CACNA2D1: variants seen among roughly 807,000 people sequenced by gnomAD.
CACNA2D1 encodes calcium voltage-gated channel auxiliary subunit alpha2delta 1, also known as voltage-dependent calcium channel subunit alpha-2/delta-1.
Under a neutral mutation model 171.5 loss-of-function variants are expected in CACNA2D1, and 53 were observed. The observed-to-expected ratio is 0.31, with a 90% confidence interval of 0.25 to 0.39. The LOEUF is 0.39. CACNA2D1 is among the 10% of genes least tolerant of loss of function. CACNA2D1 has a pLI of 1.00. For synonymous variants in CACNA2D1, 442 were observed against 443.1 expected, an observed-to-expected ratio of 1.00 and a Z score of 0.03; for missense variants, 903 against 1,299.8, an observed-to-expected ratio of 0.69 and a Z score of 4.69.
At chr7:82,403,288 T>C (rs1826644948) in intron 1 of CACNA2D1, among the ~76,000 whole-genome samples, 2 of 152,166 alleles carry the variant, frequency 1.3e-5, no homozygotes, top group South Asian at 4.1e-4. Context: ...AGGTAATACA[T>C]TTGAGAATTG....
intron 3 of CACNA2D1, among the ~76,000 whole-genome samples, chr7:82,311,971 G>A (rs28884503): frequency 0.083 from 12,684 of 152,096 alleles, 1,585 homozygotes; most frequent in African/African-American, 0.27. Flanking sequence ...AGGACCTTGA[G>A]AAGAAAGAAA....
chr7:82,237,736 A>G (rs1259191660), intron 3 of CACNA2D1, among the ~76,000 whole-genome samples: 1 of 151,986 alleles, frequency 6.6e-6, no homozygotes, highest in Non-Finnish European at 1.5e-5. Context: ...GTGTATTCAA[A>G]TATATATTCA....
chr7:82,135,415 A>G (rs561695867), intron 5 of CACNA2D1, among the ~76,000 whole-genome samples: 1 of 152,222 alleles, frequency 6.6e-6, no homozygotes, highest in Non-Finnish European at 1.5e-5. Context: ...CATCATTAAA[A>G]TAATATATAC....
At chr7:81,950,771 GAAT>G (rs1173132146) in intron 38 of CACNA2D1, among the ~76,000 whole-genome samples, 1 of 151,842 alleles carries the variant, frequency 6.6e-6, no homozygotes, top group African/African-American at 2.4e-5. Context: ...AATGCTGTTT[GAAT>G]AATATACTAA....
intron 3 of CACNA2D1, among the ~76,000 whole-genome samples, chr7:82,309,458 A>G (rs534693093): frequency 6.6e-6 from 1 of 151,488 alleles, no homozygotes; most frequent in South Asian, 2.1e-4. Context: ...TATACTAAAT[A>G]TAATTCAGAC....
chr7:82,240,268 G>A (rs952490805), intron 3 of CACNA2D1, among the ~76,000 whole-genome samples: 1 of 152,084 alleles, frequency 6.6e-6, no homozygotes, highest in African/African-American at 2.4e-5. Context: ...GAACTCATAA[G>A]TTTATTTTGG....
intron 1 of CACNA2D1, among the ~76,000 whole-genome samples, chr7:82,426,906 G>A (rs1829247777): frequency 6.6e-6 from 1 of 152,188 alleles, no homozygotes; most frequent in African/African-American, 2.4e-5. Flanking sequence ...TAGAGAGGGA[G>A]AGAGACCACC....
intron 3 of CACNA2D1, among the ~76,000 whole-genome samples, chr7:82,254,139 C>T (rs1805992063): frequency 1.3e-5 from 2 of 152,106 alleles, no homozygotes. Context: ...TTCCCTTACC[C>T]CAATCCATCT....
chr7:82,312,008 G>A (rs1037023359), intron 3 of CACNA2D1, among the ~76,000 whole-genome samples: 1 of 152,056 alleles, frequency 6.6e-6, no homozygotes, highest in Admixed American at 6.6e-5. Flanking sequence ...TGGTATTATA[G>A]ACACAGTCTT....
chr7:81,986,933 T>C (rs1797034395), intron 21 of CACNA2D1, among the ~76,000 whole-genome samples: 1 of 152,184 alleles, frequency 6.6e-6, no homozygotes, highest in Admixed American at 6.5e-5. Context: ...AGGACATTTT[T>C]ATTGCCCCAT....
At chr7:82,428,776 C>T (rs1413780876) in intron 1 of CACNA2D1, among the ~76,000 whole-genome samples, 1 of 152,162 alleles carries the variant, frequency 6.6e-6, no homozygotes, top group Non-Finnish European at 1.5e-5. Context: ...AGAAAATTAA[C>T]TTTCCAAGAT....
At chr7:82,204,105 A>C (rs1448174399) in intron 3 of CACNA2D1, among the ~76,000 whole-genome samples, 2 of 152,200 alleles carry the variant, frequency 1.3e-5, no homozygotes, top group African/African-American at 4.8e-5. Flanking sequence ...GGCATAGTAC[A>C]CAGATGGGTT....
chr7:82,235,324 T>C (rs1366003395), intron 3 of CACNA2D1, among the ~76,000 whole-genome samples: 1 of 152,148 alleles, frequency 6.6e-6, no homozygotes, highest in Non-Finnish European at 1.5e-5. Flanking sequence ...AAAGTAGAAC[T>C]AAACCAGCTG....
At chr7:82,268,020 C>A (rs1183480358) in intron 3 of CACNA2D1, among the ~76,000 whole-genome samples, 2 of 151,802 alleles carry the variant, frequency 1.3e-5, no homozygotes, top group East Asian at 1.9e-4. Context: ...AACAAAAAAA[C>A]CTACAGACTC....
chr7:82,222,907 T>TG (rs1801939858), intron 3 of CACNA2D1, among the ~76,000 whole-genome samples: 1 of 150,528 alleles, frequency 6.6e-6, no homozygotes, highest in Non-Finnish European at 1.5e-5. Flanking sequence ...TCTTTTTTTT[T>TG]TTTTGTTTGT....
At chr7:82,101,391 C>T (rs1215880321) in intron 6 of CACNA2D1, among the ~76,000 whole-genome samples, 2 of 152,076 alleles carry the variant, frequency 1.3e-5, no homozygotes, top group African/African-American at 2.4e-5. Flanking sequence ...ATGCCTTCTA[C>T]ATTATTTACC....
chr7:82,418,377 A>C (rs951489632), intron 1 of CACNA2D1, among the ~76,000 whole-genome samples: 2 of 152,180 alleles, frequency 1.3e-5, no homozygotes, highest in Non-Finnish European at 2.9e-5. Context: ...ATAAGAGTAG[A>C]ATGCATCTGA....
Position 82,378,938 on chromosome 7 carries a change from CGTGTGTGTGTGTGT to C in CACNA2D1, c.96-29303_96-29290del, listed in dbSNP as rs533854397. Among the ~76,000 whole-genome samples the C allele has an allele frequency of 1.7e-3, 237 of 139,164 alleles. 1 individual carries two copies. Among genetic ancestry groups the C allele is most frequent in the East Asian group, 7.9e-3 (37 of 4,666 alleles). The allele number at this position is 139,164 out of a possible 152,430, so 91.3% of individuals were successfully genotyped here. A position where few individuals can be genotyped will look rare whatever the true frequency, so the allele number is the denominator to read the frequency against. On this transcript the variant is annotated intron_variant, in intron 1 of 38. Transcript: ENST00000356860. ...TACTGTATGTGTGCAGGGGTTGACT[CGTGTGTGTGTGTGT>C]GTGTGTGTGTGTGTGTGTGTGTGTG...
At chr7:82,211,530 G>T (rs189041022) in intron 3 of CACNA2D1, among the ~76,000 whole-genome samples, 3 of 152,290 alleles carry the variant, frequency 2.0e-5, no homozygotes, top group Non-Finnish European at 4.4e-5. Context: ...TGCTGCCAAG[G>T]ACATGATGTT....
Sources: gnomAD v4.1 joint callset for allele counts (sites outside exome capture counted in the v4.1 genomes callset) on GRCh38, gnomAD v4.1.1 for gene constraint, MANE v1.5 for transcripts, NCBI Gene and HGNC (gene_info 2026-07-23, HGNC 2026-07-21) for gene names.